ZZZ3: variants seen among roughly 807,000 people sequenced by gnomAD.
The protein encoded by ZZZ3 is ZZ-type zinc finger-containing protein 3.
A neutral mutation model predicts 95.2 loss-of-function variants in ZZZ3; 22 were observed. The observed-to-expected ratio is 0.23, with a 90% CI of 0.17 to 0.33. The LOEUF (loss-of-function observed/expected upper bound fraction) is 0.33. ZZZ3 is among the 10% of genes least tolerant of loss of function. The pLI is 1.00. For missense variants in ZZZ3, 885 were observed against 1,066.5 expected (o/e 0.83, Z 2.37); for synonymous variants, 335 against 358.9 (o/e 0.93, Z 0.75).
chr1:77,632,474 T>G lies in ZZZ3; in HGVS notation c.881A>C (p.Gln294Pro). Residue 294 changes from glutamine (Q) to proline (P), a missense_variant, in exon 5 of 15, where the codon CAG (glutamine) becomes CCG (proline). Gln to Pro is a moderately conservative substitution (Grantham distance 76). Around this residue, in one of 5 missense-constraint regions of ZZZ3, gnomAD observed 556 missense variants for 652.9 expected, o/e 0.85. Transcript: ENST00000370801. ...CCCTGTAGCTGGCTCAGTAGTCAGC[T>G]GATTAACATGTTCCACAGGCAAGCA... ...TACLPVEHVNQLTTEPATGPF... is the reference protein window; with the variant it reads ...TACLPVEHVNPLTTEPATGPF... 3 of 1,614,180 alleles carry G rather than the reference T, an allele frequency of 1.9e-6. No homozygotes were observed. Among genetic ancestry groups the G allele is most frequent in the Non-Finnish European group, 2.5e-6 (3 of 1,180,020 alleles).
chr1:77,673,682 ATTT>A (rs1238835517), intron 1 of ZZZ3, among the ~76,000 whole-genome samples: 1 of 152,174 alleles, frequency 6.6e-6, no homozygotes, highest in Non-Finnish European at 1.5e-5. Context: ...CTGATTCCCA[ATTT>A]TTTACCAGCC....
intron 5 of ZZZ3, among the ~76,000 whole-genome samples, chr1:77,620,178 G>A (rs1328359145): frequency 6.6e-6 from 1 of 152,162 alleles, no homozygotes; most frequent in East Asian, 1.9e-4. Context: ...GGAAAAGGTA[G>A]AGCAGGCAGT....
intron 5 of ZZZ3, among the ~76,000 whole-genome samples, chr1:77,590,081 C>CA (rs1663524674): frequency 6.6e-6 from 1 of 151,900 alleles, no homozygotes; most frequent in South Asian, 2.1e-4. Context: ...TCATTAAAAA[C>CA]AAAAAAGAGG....
chr1:77,647,989 C>T (rs1669447474), intron 1 of ZZZ3, among the ~76,000 whole-genome samples: 1 of 151,968 alleles, frequency 6.6e-6, no homozygotes, highest in Non-Finnish European at 1.5e-5. Context: ...GAACACAGGC[C>T]AAGAATATTT....
intron 5 of ZZZ3, among the ~76,000 whole-genome samples, chr1:77,629,786 A>G (rs1203296648): frequency 6.6e-6 from 1 of 152,218 alleles, no homozygotes; most frequent in African/African-American, 2.4e-5. Flanking sequence ...ATTCCAAAGG[A>G]GTCTCTATAT....
chr1:77,571,036 C>T (rs1661336674), intron 12 of ZZZ3, among the ~76,000 whole-genome samples: 1 of 151,698 alleles, frequency 6.6e-6, no homozygotes, highest in African/African-American at 2.4e-5. Flanking sequence ...ACTATGTCAC[C>T]ACTGAGAAAG....
rs1380898038 is a variant in ZZZ3, at chr1:77,633,285, A to G, written c.70T>C (p.Cys24Arg). The G allele has an allele frequency of 1.9e-6, 3 of 1,614,030 alleles. No individual in the cohort carries two copies. The highest frequency in any genetic ancestry group is 1.3e-5 in the African/African-American group (1 of 75,058). The change falls in exon 5 of 15, where the codon TGT becomes CGT. Residue 24 changes from cysteine (C) to arginine (R), a missense_variant. This residue lies in a region of ZZZ3 where 556 missense variants were observed against 652.9 expected (regional missense o/e 0.85). Coordinates refer to ENST00000370801, the MANE Select transcript of ZZZ3 (RefSeq NM_015534.6). The part of the protein sequence containing the change: ...VGLNGLDESF[C>R]GRTLRNRSIA... The stretch of plus-strand genomic sequence containing the variant: ...CTACGATTCCTTAAAGTTCTACCAC[A>G]AAAAGATTCATCCAAGCCGTTTAAC...
intron 1 of ZZZ3, among the ~76,000 whole-genome samples, chr1:77,655,501 T>A (rs373062051): frequency 6.6e-6 from 1 of 152,308 alleles, no homozygotes; most frequent in South Asian, 2.1e-4. Context: ...TTGCCAACAC[T>A]TAATCTGCCC....
At chr1:77,578,438 T>G (rs981708452) in intron 11 of ZZZ3, among the ~76,000 whole-genome samples, 1 of 152,176 alleles carries the variant, frequency 6.6e-6, no homozygotes, top group African/African-American at 2.4e-5. Flanking sequence ...AAACAGAAAT[T>G]GATCTATTAA....
At chr1:77,627,000 A>C (rs1412512267) in intron 5 of ZZZ3, among the ~76,000 whole-genome samples, 2 of 152,144 alleles carry the variant, frequency 1.3e-5, no homozygotes, top group African/African-American at 2.4e-5. Flanking sequence ...AAATCAGATA[A>C]TCATGACTAC....
rs1164178736 is a variant in ZZZ3, at chr1:77,632,278, G to C, written c.1077C>G (p.Asp359Glu). ...AAGACATCATTTGAGCTGAAACACA[G>C]TCTAGAACAGGAGATGGTTCAGGTT... is the stretch of plus-strand genomic sequence containing the variant. ...SGEPEPSPVL[D>E]CVSAQMMSLS... Residue 359 changes from aspartate (D) to glutamate (E), a missense_variant, in exon 5 of 15, where the codon GAC becomes GAG. Asp to Glu is a conservative substitution (Grantham distance 45, BLOSUM62 2). This residue lies in a region of ZZZ3 where 556 missense variants were observed against 652.9 expected (regional missense o/e 0.85). Coordinates refer to ENST00000370801, the MANE Select transcript of ZZZ3 (RefSeq NM_015534.6). The C allele has an allele frequency of 6.2e-7, 1 of 1,614,010 alleles. No homozygotes were observed. The highest frequency in any genetic ancestry group is 2.2e-5 in the East Asian group (1 of 44,888).
intron 5 of ZZZ3, among the ~76,000 whole-genome samples, chr1:77,597,298 T>A (rs1008191223): frequency 1.3e-5 from 2 of 152,012 alleles, no homozygotes; most frequent in Non-Finnish European, 2.9e-5. Context: ...CACACTGATA[T>A]AAATAAATGA....
At chr1:77,619,079 C>G (rs1666605809) in intron 5 of ZZZ3, among the ~76,000 whole-genome samples, 1 of 152,100 alleles carries the variant, frequency 6.6e-6, no homozygotes, top group Non-Finnish European at 1.5e-5. Context: ...CCAGTCAGAT[C>G]AAGATTCCCT....
chr1:77,597,124 G>A (rs1157913663), intron 5 of ZZZ3, among the ~76,000 whole-genome samples: 1 of 151,930 alleles, frequency 6.6e-6, no homozygotes, highest in Non-Finnish European at 1.5e-5. Context: ...GTGTCAAAAA[G>A]TAAGAAGCAC....
intron 1 of ZZZ3, among the ~76,000 whole-genome samples, chr1:77,662,447 C>G (rs975117144): frequency 6.6e-6 from 1 of 152,070 alleles, no homozygotes; most frequent in Non-Finnish European, 1.5e-5. Context: ...CCTCACCCAA[C>G]AGGTATTTTT....
chr1:77,639,391 AAAAG>A lies in ZZZ3; in HGVS notation c.-52+54_-52+57del. 7.0e-5 allele frequency: 99 copies of A among 1,414,938 alleles called. No individual in the cohort carries two copies. The South Asian group carries it at 1.2e-3, about 17-fold the overall frequency. 87.6% of individuals were successfully genotyped at this position (1,414,938 alleles called of 1,614,324 possible). A position where few individuals can be genotyped will look rare whatever the true frequency, so the allele number is the denominator to read the frequency against. On this transcript the variant is annotated intron_variant, in intron 4 of 14. Transcript: ENST00000370801. ...ACAAGTCTCCCCATCTCAAAAAAAA[AAAAG>A]AAGAAGAAGTCAAACTATAGCTGTC...
intron 5 of ZZZ3, among the ~76,000 whole-genome samples, chr1:77,598,484 A>C (rs1664425502): frequency 6.6e-6 from 1 of 152,132 alleles, no homozygotes; most frequent in African/African-American, 2.4e-5. Context: ...TGTAAATATA[A>C]ATTTATCAAC....
chr1:77,639,402 A>T lies in ZZZ3; in HGVS notation c.-52+47T>A, dbSNP rs781493579. On this transcript the variant is annotated intron_variant, in intron 4 of 14. Coordinates refer to ENST00000370801, the MANE Select transcript of ZZZ3 (RefSeq NM_015534.6). The stretch of plus-strand genomic sequence containing the variant: ...CATCTCAAAAAAAAAAAAGAAGAAG[A>T]AGTCAAACTATAGCTGTCTTCACTA... 64 of 1,437,224 alleles carry T rather than the reference A, an allele frequency of 4.5e-5. No homozygotes were observed. In the South Asian group the frequency reaches 5.7e-4, roughly 13 times the overall value. The allele number at this position is 1,437,224 out of a possible 1,614,324, so 89.0% of individuals were successfully genotyped here.
At chr1:77,589,912 TA>T (rs1412932785) in intron 5 of ZZZ3, among the ~76,000 whole-genome samples, 2 of 152,116 alleles carry the variant, frequency 1.3e-5, no homozygotes, top group African/African-American at 4.8e-5. Context: ...AGAATCTTTT[TA>T]AAAAAACTAG....
Sources: allele counts gnomAD v4.1 joint callset (sites outside exome capture counted in the v4.1 genomes callset), GRCh38; gene constraint gnomAD v4.1.1; regional missense constraint gnomAD v4.1.1; transcripts MANE v1.5; gene names NCBI Gene and HGNC (gene_info 2026-07-23, HGNC 2026-07-21).